The following AGBL4 variants were observed in gnomAD, a reference collection of about 807,000 sequenced individuals.
AGBL4 encodes the protein cytosolic carboxypeptidase 6.
Under a neutral mutation model 66.4 loss-of-function variants are expected in AGBL4, and 58 were observed. The ratio of observed to expected loss-of-function variants is 0.87; its 90% CI spans 0.71 to 1.09. The LOEUF is 1.09. Ranked by LOEUF, AGBL4 falls within the 50% of genes least tolerant of loss-of-function variation. The pLI is 0.00. For missense variants in AGBL4, 579 were observed against 631.0 expected, an observed-to-expected ratio of 0.92 and a Z score of 0.88; for synonymous variants, 234 against 222.9, an observed-to-expected ratio of 1.05 and a Z score of -0.44.
chr1:48,769,555 ACACACACACACACAC>A (rs1238719900), intron 6 of AGBL4, among the ~76,000 whole-genome samples: 269 of 147,736 alleles, frequency 1.8e-3, no homozygotes, highest in African/African-American at 6.5e-3. Flanking sequence ...ACACACACAC[ACACACACACACACAC>A]AAGTTAAATT....
intron 1 of AGBL4, among the ~76,000 whole-genome samples, chr1:49,961,726 A>G (rs1420496629): frequency 1.3e-5 from 2 of 152,130 alleles, no homozygotes; most frequent in African/African-American, 4.8e-5. Flanking sequence ...TTGCTTCAAC[A>G]ATGAACTAAA....
chr1:49,610,516 T>C lies in AGBL4; in HGVS notation c.282+86797A>G, dbSNP rs140862741. The stretch of plus-strand genomic sequence containing the variant: ...AATATTTGTGTCCCTCTGAAATTCA[T>C]GTATTGAAATTTAATCCTTGAATGT... On this transcript the variant is annotated intron_variant, in intron 3 of 13. Transcript: ENST00000371839. Among the ~76,000 whole-genome samples, 432 of 152,318 alleles carry C rather than the reference T, an allele frequency of 2.8e-3. 1 individual carries two copies. The highest frequency in any genetic ancestry group is 5.1e-3 in the Non-Finnish European group (345 of 68,022).
chr1:48,926,563 A>G (rs1285914199), intron 5 of AGBL4, among the ~76,000 whole-genome samples: 4 of 151,964 alleles, frequency 2.6e-5, no homozygotes, highest in African/African-American at 9.7e-5. Flanking sequence ...TGCTGGGATT[A>G]CAGGTATGAG....
At chr1:49,186,488 C>T (rs1031874814) in intron 4 of AGBL4, among the ~76,000 whole-genome samples, 1 of 152,132 alleles carries the variant, frequency 6.6e-6, no homozygotes, top group Non-Finnish European at 1.5e-5. Flanking sequence ...CTTTCTGGTC[C>T]TCAGTTTTAT....
intron 5 of AGBL4, among the ~76,000 whole-genome samples, chr1:48,990,764 G>A (rs75907228): frequency 3.9e-5 from 6 of 152,002 alleles, no homozygotes; most frequent in Non-Finnish European, 7.4e-5. Flanking sequence ...GTTACCATGA[G>A]GTTTGTAAAT....
intron 6 of AGBL4, among the ~76,000 whole-genome samples, chr1:48,790,186 G>A (rs1033643624): frequency 6.6e-6 from 1 of 151,448 alleles, no homozygotes; most frequent in East Asian, 1.9e-4. Context: ...GCAAGAGCAC[G>A]TAACAGATTT....
chr1:49,482,936 T>G (rs1354630996), intron 3 of AGBL4, among the ~76,000 whole-genome samples: 1 of 152,074 alleles, frequency 6.6e-6, no homozygotes, highest in Non-Finnish European at 1.5e-5. Flanking sequence ...TGGTTTTGAG[T>G]GAATTTCTTA....
chr1:49,546,898 G>A (rs1445569078), intron 3 of AGBL4, among the ~76,000 whole-genome samples: 2 of 152,098 alleles, frequency 1.3e-5, no homozygotes, highest in African/African-American at 4.8e-5. Context: ...TAGATTCTGG[G>A]TATGAGTCCT....
intron 4 of AGBL4, among the ~76,000 whole-genome samples, chr1:49,235,869 C>T (rs549923286): frequency 3.9e-5 from 6 of 152,178 alleles, no homozygotes; most frequent in African/African-American, 1.4e-4. Context: ...TTACTCCTGG[C>T]TCATTCCATG....
intron 6 of AGBL4, among the ~76,000 whole-genome samples, chr1:48,691,374 G>A (rs866180239): frequency 2.0e-5 from 3 of 151,870 alleles, no homozygotes; most frequent in Non-Finnish European, 2.9e-5. Flanking sequence ...GTGCACACAC[G>A]GCTAGTGGCT....
At chr1:48,953,947 A>C (rs956845208) in intron 5 of AGBL4, among the ~76,000 whole-genome samples, 11 of 152,222 alleles carry the variant, frequency 7.2e-5, no homozygotes, top group Admixed American at 3.3e-4. Flanking sequence ...TTGGGAGAAG[A>C]AACATAAAAA....
intron 6 of AGBL4, among the ~76,000 whole-genome samples, chr1:48,713,072 C>T (rs1038560930): frequency 6.6e-6 from 1 of 152,222 alleles, no homozygotes; most frequent in African/African-American, 2.4e-5. Context: ...GATGCCCACA[C>T]AGTGCTGGGC....
intron 5 of AGBL4, among the ~76,000 whole-genome samples, chr1:49,002,416 G>A (rs760669542): frequency 6.6e-6 from 1 of 152,120 alleles, no homozygotes; most frequent in Non-Finnish European, 1.5e-5. Context: ...TTATTCTATC[G>A]TAAAACTAAG....
chr1:48,886,888 A>T, intron 5 of AGBL4, among the ~76,000 whole-genome samples: 1 of 152,114 alleles, frequency 6.6e-6, no homozygotes, highest in East Asian at 1.9e-4. Flanking sequence ...CCACCATATT[A>T]GCTTCCAGTC....
intron 2 of AGBL4, among the ~76,000 whole-genome samples, chr1:49,802,483 A>T (rs1175995509): frequency 1.3e-5 from 2 of 152,126 alleles, no homozygotes; most frequent in African/African-American, 4.8e-5. Context: ...GTTATGGAAA[A>T]ACTGTGTTTC....
At chr1:48,750,496 C>T (rs781420829) in intron 6 of AGBL4, among the ~76,000 whole-genome samples, 22 of 152,174 alleles carry the variant, frequency 1.4e-4, no homozygotes, top group Admixed American at 4.6e-4. Context: ...ATGTAAGGAG[C>T]TCTCTTTTGT....
chr1:48,673,113 T>C (rs1379729053), intron 6 of AGBL4, among the ~76,000 whole-genome samples: 2 of 152,284 alleles, frequency 1.3e-5, no homozygotes, highest in African/African-American at 2.4e-5. Flanking sequence ...TCCCCAGCTA[T>C]ACTAAAGAGA....
At chr1:49,056,524 G>C (rs1571340298) in intron 4 of AGBL4, among the ~76,000 whole-genome samples, 1 of 152,102 alleles carries the variant, frequency 6.6e-6, no homozygotes, top group East Asian at 1.9e-4. Context: ...AAAGGTCCAA[G>C]GGCAGAAATA....
At chr1:49,858,014 A>G (rs1646476204) in intron 1 of AGBL4, among the ~76,000 whole-genome samples, 1 of 152,132 alleles carries the variant, frequency 6.6e-6, no homozygotes, top group Admixed American at 6.6e-5. Flanking sequence ...AAAACTCAAC[A>G]ACAACAAAAA....
Sources: allele counts gnomAD v4.1 joint callset (sites outside exome capture counted in the v4.1 genomes callset), GRCh38; gene constraint gnomAD v4.1.1; transcripts MANE v1.5; gene names NCBI Gene and HGNC (gene_info 2026-07-23, HGNC 2026-07-21).